Variants in ADGRG1 observed in about 807,000 individuals in gnomAD.
The protein encoded by ADGRG1 is adhesion G protein-coupled receptor G1.
A neutral mutation model predicts 73.5 loss-of-function variants in ADGRG1; 53 were observed. That is an observed-to-expected ratio of 0.72 (90% CI 0.58 to 0.91). The LOEUF (loss-of-function observed/expected upper bound fraction) is 0.91, where lower values mean the gene tolerates loss of function less well. Ranked by LOEUF, ADGRG1 falls within the 40% of genes least tolerant of loss-of-function variation. The pLI is 0.00. For missense variants in ADGRG1, 795 were observed against 871.8 expected, an observed-to-expected ratio of 0.91 and a Z score of 1.11; for synonymous variants, 394 against 374.4, an observed-to-expected ratio of 1.05 and a Z score of -0.60.
intron 1 of ADGRG1, chr16:57,643,885 G>A (rs3785329): frequency 0.089 from 86,111 of 971,092 alleles, 4,062 homozygotes; most frequent in Non-Finnish European, 0.093. Flanking sequence ...CCATGGGTGC[G>A]GCTGAGGGGT....
chr16:57,649,190 TC>T (rs36100825), intron 1 of ADGRG1, among the ~76,000 whole-genome samples: 1 of 152,126 alleles, frequency 6.6e-6, no homozygotes, highest in Non-Finnish European at 1.5e-5. Context: ...GGGTACTGGC[TC>T]CCCCTGGCGG....
At chr16:57,653,770 A>AC (rs1282905689) in intron 4 of ADGRG1, 3 of 977,172 alleles carry the variant, frequency 3.1e-6, no homozygotes, top group Non-Finnish European at 3.6e-6. Context: ...GTCTGACCCT[A>AC]CCCCAGCTCA....
Position 57,663,919 on chromosome 16 carries a change from G to A in ADGRG1, c.*337G>A. 1 of 415,560 alleles carries A rather than the reference G, an allele frequency of 2.4e-6. No homozygotes were observed. The highest frequency in any genetic ancestry group is 4.5e-6 in the Non-Finnish European group (1 of 223,784). 25.7% of individuals were successfully genotyped at this position (415,560 alleles called of 1,614,324 possible). A position where few individuals can be genotyped will look rare whatever the true frequency, so the allele number is the denominator to read the frequency against. On this transcript the variant is annotated 3_prime_UTR_variant, in exon 14 of 14. Coordinates refer to ENST00000562631, the MANE Select transcript of ADGRG1 (RefSeq NM_201525.4). Reference sequence around the variant, plus strand: ...CCCAGCCCTCATTGCTGGGGGCCAGGCCTTGGATCTTGAGGGTCTGGCACA... The same window carrying A: ...CCCAGCCCTCATTGCTGGGGGCCAGACCTTGGATCTTGAGGGTCTGGCACA...
intron 1 of ADGRG1, chr16:57,634,388 T>C (rs2038826418): frequency 1.0e-6 from 1 of 985,304 alleles, no homozygotes; most frequent in Non-Finnish European, 1.2e-6. Context: ...ACTGCTCCTC[T>C]GCTGTGTCAC....
chr16:57,645,338 C>A (rs1429010292), intron 1 of ADGRG1: 1 of 984,976 alleles, frequency 1.0e-6, no homozygotes, highest in Non-Finnish European at 1.2e-6. Flanking sequence ...CTCCGGGGCT[C>A]CCTCGTTCCT....
Position 57,659,837 on chromosome 16 carries a change from G to A in ADGRG1, c.1555+156G>A, listed in dbSNP as rs75143464. ...TGTCCTTCACCTTGGCTGAATCAAG[G>A]TCCCCTTTAGGAAGAAGCAGTGAGC... On this transcript the variant is annotated intron_variant, in intron 11 of 13. Coordinates refer to ENST00000562631, the MANE Select transcript of ADGRG1 (RefSeq NM_201525.4). Among the ~76,000 whole-genome samples, 3 of 152,254 alleles carry A rather than the reference G, an allele frequency of 2.0e-5. No individual in the cohort carries two copies. In the East Asian group the frequency reaches 5.8e-4, roughly 29 times the overall value.
At chr16:57,630,853 G>A (rs779571969) in intron 1 of ADGRG1, 4 of 690,278 alleles carry the variant, frequency 5.8e-6, no homozygotes, top group Non-Finnish European at 7.1e-6. Flanking sequence ...AACTACTTAG[G>A]AAAACATTTG....
At chr16:57,633,585 T>G in intron 1 of ADGRG1, 1 of 862,128 alleles carries the variant, frequency 1.2e-6, no homozygotes. Context: ...GTCCCAGCTC[T>G]ACTGGCTGTG....
chr16:57,654,974 C>A, intron 5 of ADGRG1: 1 of 765,188 alleles, frequency 1.3e-6, no homozygotes, highest in Non-Finnish European at 1.6e-6. Context: ...CTCGCCCTGG[C>A]CTCTCAAAGT....
chr16:57,639,164 G>A, intron 1 of ADGRG1: 2 of 596,026 alleles, frequency 3.4e-6, no homozygotes, highest in South Asian at 7.3e-5. Flanking sequence ...TCGAGAAATT[G>A]GAAGCTCTGG....
rs779042080 is a variant in ADGRG1 at position 57,661,915 on chromosome 16, C to T, written c.1883C>T (p.Thr628Ile). 5.0e-6 allele frequency: 8 copies of T among 1,614,162 alleles called. No homozygotes were observed. In the Admixed American group the frequency reaches 8.3e-5, roughly 17 times the overall value. Residue 628 changes from threonine (T) to isoleucine (I), a missense_variant, in exon 13 of 14, where the codon ACC (threonine) becomes ATC (isoleucine). Physicochemically the swap from Thr to Ile is moderately conservative, Grantham distance 89 (BLOSUM62 -1). Coordinates refer to ENST00000562631, the MANE Select transcript of ADGRG1 (RefSeq NM_201525.4). The stretch of plus-strand genomic sequence containing the variant: ...ATCTTCTTCTCCTTTGCTTCTGGCA[C>T]CTTCCAGCTTGTCGTCCTCTACCTT... Reference protein sequence around the residue: ...ALIFFSFASGTFQLVVLYLFS... With the variant: ...ALIFFSFASGIFQLVVLYLFS...
intron 1 of ADGRG1, chr16:57,633,254 T>C: frequency 2.2e-6 from 2 of 925,694 alleles, no homozygotes; most frequent in South Asian, 1.0e-4. Flanking sequence ...TTCAAGAGGT[T>C]CTCCCTAAAC....
chr16:57,638,354 T>A (rs2039885915), intron 1 of ADGRG1, among the ~76,000 whole-genome samples: 1 of 152,184 alleles, frequency 6.6e-6, no homozygotes, highest in African/African-American at 2.4e-5. Flanking sequence ...AGGGCTAACC[T>A]TGCAGAGTGG....
At chr16:57,651,820 G>T in intron 3 of ADGRG1, 198 bp downstream of exon 3, 2 of 1,467,514 alleles carry the variant, frequency 1.4e-6, no homozygotes, top group Non-Finnish European at 1.8e-6. Context: ...GAACCACTGC[G>T]CTCGGCCCCA....
intron 1 of ADGRG1, chr16:57,643,721 C>T (rs1463753787): frequency 1.0e-6 from 1 of 984,920 alleles, no homozygotes; most frequent in African/African-American, 1.7e-5. Context: ...AGTCACTCTG[C>T]TTCTGCCAGT....
In ADGRG1 at chr16:57,653,845, C is replaced by T. The variant is rs2044760454; in HGVS notation, c.621-141C>T. 1.9e-6 allele frequency: 3 copies of T among 1,573,756 alleles called. No homozygotes were observed. The Admixed American group carries it at 5.1e-5, about 27-fold the overall frequency. On this transcript the variant is annotated intron_variant, in intron 4 of 13. Coordinates refer to ENST00000562631, the MANE Select transcript of ADGRG1 (RefSeq NM_201525.4). The stretch of plus-strand genomic sequence containing the variant: ...TGTCTGCTCTCCACTCTCTCTTGCC[C>T]ACCCCACCCCTCTCTCTGCCTCTGC...
At chr16:57,644,610 A>G (rs1351172657) in intron 1 of ADGRG1, among the ~76,000 whole-genome samples, 1 of 147,514 alleles carries the variant, frequency 6.8e-6, no homozygotes, top group Non-Finnish European at 1.5e-5. Flanking sequence ...GCAAGGGCAC[A>G]CACCCATGCG....
At chr16:57,644,309 A>C in intron 1 of ADGRG1, 1 of 530,534 alleles carries the variant, frequency 1.9e-6, no homozygotes, top group Non-Finnish European at 2.4e-6. Flanking sequence ...GCACACACTC[A>C]TGCACACAAG....
At chr16:57,637,465 T>TCCC in intron 1 of ADGRG1, 1 of 985,002 alleles carries the variant, frequency 1.0e-6, no homozygotes, top group Non-Finnish European at 1.2e-6. Context: ...CGTCTGTACC[T>TCCC]CCCCCCAGGT....
Sources: allele counts gnomAD v4.1 joint callset (sites outside exome capture counted in the v4.1 genomes callset), GRCh38; gene constraint gnomAD v4.1.1; transcripts MANE v1.5; gene names NCBI Gene and HGNC (gene_info 2026-07-23, HGNC 2026-07-21).